The following CYP3A4 variants were observed in gnomAD, a reference collection of about 807,000 sequenced individuals.
CYP3A4 encodes cytochrome P450 family 3 subfamily A member 4.
Under a neutral mutation model 54.9 loss-of-function variants are expected in CYP3A4, and 41 were observed. That is an observed-to-expected ratio of 0.75 (90% CI 0.58 to 0.97). The LOEUF (loss-of-function observed/expected upper bound fraction) is 0.97. Among genes scored for constraint, CYP3A4 ranks in the 50% least tolerant of loss-of-function variants. CYP3A4 has a pLI of 0.00. For missense variants in CYP3A4, 510 were observed against 597.3 expected (o/e 0.85, Z 1.52); for synonymous variants, 179 against 205.2 (o/e 0.87, Z 1.09).
chr7:99,772,836 A>G lies in CYP3A4; in HGVS notation c.219-147T>C, dbSNP rs563044269. The stretch of plus-strand genomic sequence containing the variant: ...AATCTTAGGTTCTAGTTCATTAGGT[A>G]TGACACACAGCAAGAGTCTGACACA... On this transcript the variant is annotated intron_variant, in intron 3 of 12. Transcript: ENST00000651514. 8.2e-5 allele frequency: 66 copies of G among 806,810 alleles called. No individual in the cohort carries two copies. In the South Asian group the frequency reaches 1.2e-3, roughly 15 times the overall value. The allele number at this position is 806,810 out of a possible 1,614,324, so 50.0% of individuals were successfully genotyped here.
chr7:99,771,056 A>G (rs1034316555), intron 4 of CYP3A4, among the ~76,000 whole-genome samples: 1 of 152,348 alleles, frequency 6.6e-6, no homozygotes, highest in African/African-American at 2.4e-5. Context: ...CTTCCCTCCT[A>G]AGATTAGGAA....
intron 12 of CYP3A4, 79 bp downstream of exon 12, chr7:99,760,740 A>G (rs895122311): frequency 6.6e-7 from 1 of 1,524,744 alleles, no homozygotes; most frequent in African/African-American, 1.4e-5. Context: ...TTAAACAAGC[A>G]TATTCTTTTT....
At chr7:99,783,251 C>T (rs1165145520) in intron 1 of CYP3A4, among the ~76,000 whole-genome samples, 1 of 152,170 alleles carries the variant, frequency 6.6e-6, no homozygotes, top group South Asian at 2.1e-4. Flanking sequence ...TGGGGAGTGA[C>T]TCTTCTCTCT....
At chr7:99,779,971 A>C (rs1815873700) in intron 2 of CYP3A4, 21 bp downstream of exon 2, 2 of 1,598,008 alleles carry the variant, frequency 1.3e-6, no homozygotes, top group East Asian at 4.5e-5. Context: ...GAAGCAAAAG[A>C]GTGAGCTCAA....
At chr7:99,776,857 TA>T (rs1161041404) in intron 3 of CYP3A4, among the ~76,000 whole-genome samples, 6 of 151,854 alleles carry the variant, frequency 4.0e-5, no homozygotes, top group African/African-American at 1.5e-4. Context: ...AAACTAAAAA[TA>T]AAAAATAAAA....
chr7:99,772,074 T>C (rs1450085647), intron 4 of CYP3A4, among the ~76,000 whole-genome samples: 2 of 152,174 alleles, frequency 1.3e-5, no homozygotes, highest in Admixed American at 1.3e-4. Context: ...AAAGGAAATA[T>C]TAATACATTG....
chr7:99,772,775 G>T, intron 3 of CYP3A4, 86 bp from the exon 4 acceptor site: 3 of 1,346,054 alleles, frequency 2.2e-6, no homozygotes, highest in South Asian at 1.2e-5. Flanking sequence ...CTTTGATCCT[G>T]ACTTTACATA....
chr7:99,780,230 T>A (rs1815885253), intron 1 of CYP3A4, 145 bp from the exon 2 acceptor site: 5 of 773,534 alleles, frequency 6.5e-6, no homozygotes, highest in Non-Finnish European at 8.3e-6. Context: ...CTGACGGCAA[T>A]GATTATATTT....
chr7:99,775,997 A>G (rs184904757), intron 3 of CYP3A4, among the ~76,000 whole-genome samples: 9 of 152,298 alleles, frequency 5.9e-5, no homozygotes, highest in African/African-American at 1.9e-4. Context: ...AATTTACAAG[A>G]AAAAAAGCAA....
chr7:99,758,641 A>C (rs1001242501), intron 12 of CYP3A4, among the ~76,000 whole-genome samples: 3 of 152,228 alleles, frequency 2.0e-5, no homozygotes, highest in African/African-American at 7.2e-5. Context: ...GTATGATGGC[A>C]AACTGTTTTT....
At chr7:99,767,318 C>T in intron 7 of CYP3A4, 60 bp from the exon 8 acceptor site, 1 of 1,461,222 alleles carries the variant, frequency 6.8e-7, no homozygotes, top group Non-Finnish European at 9.2e-7. Context: ...GCAAAATTTA[C>T]CTGGAGCAAT....
rs1363170809 is a variant in CYP3A4, at chr7:99,763,858, A to G, written c.1023T>C (p.Asn341=). Residue 341 remains asparagine, a synonymous_variant, in exon 10 of 13, where the codon AAT becomes AAC. Transcript: ENST00000651514. ...LQEEIDAVLP[N]KAPPTYDTVL... is the part of the protein sequence containing the mutation. Reference sequence around the variant, plus strand: ...TCTCCATGTACCATCCACTCACCTTATTGGGTAAAACTGCATCAATTTCCT... The same window carrying G: ...TCTCCATGTACCATCCACTCACCTTGTTGGGTAAAACTGCATCAATTTCCT... The G allele has an allele frequency of 1.2e-6, 2 of 1,613,850 alleles. No individual in the cohort carries two copies. Among genetic ancestry groups the G allele is most frequent in the Admixed American group, 1.7e-5 (1 of 60,002 alleles).
chr7:99,778,592 T>TCTAGCAG (rs1815833383), intron 2 of CYP3A4, among the ~76,000 whole-genome samples: 1 of 152,204 alleles, frequency 6.6e-6, no homozygotes, highest in African/African-American at 2.4e-5. Flanking sequence ...TTTAGGTAAG[T>TCTAGCAG]ATGAGGCATG....
At chr7:99,761,500 C>T (rs1815331554) in intron 11 of CYP3A4, among the ~76,000 whole-genome samples, 1 of 152,060 alleles carries the variant, frequency 6.6e-6, no homozygotes, top group South Asian at 2.1e-4. Flanking sequence ...TTCTTCTTCT[C>T]TCCATCTCTC....
chr7:99,763,732 A>G, intron 10 of CYP3A4, 123 bp downstream of exon 10: 3 of 1,312,638 alleles, frequency 2.3e-6, no homozygotes, highest in Non-Finnish European at 3.1e-6. Context: ...GAGCCTTCCT[A>G]CATAGAGTCA....
At chr7:99,770,864 A>T (rs1440021074) in intron 4 of CYP3A4, among the ~76,000 whole-genome samples, 1 of 152,218 alleles carries the variant, frequency 6.6e-6, no homozygotes, top group African/African-American at 2.4e-5. Flanking sequence ...TATCAAGCCA[A>T]CATGCTTGAA....
chr7:99,764,380 G>T (rs1461552088), intron 9 of CYP3A4, among the ~76,000 whole-genome samples: 1 of 151,938 alleles, frequency 6.6e-6, no homozygotes, highest in Non-Finnish European at 1.5e-5. Flanking sequence ...GTTAATATGA[G>T]GTAGTACTCT....
chr7:99,766,661 C>G (rs1815484292), intron 8 of CYP3A4: 2 of 596,066 alleles, frequency 3.4e-6, no homozygotes, highest in Admixed American at 3.1e-5. Context: ...TGTGAGATGG[C>G]TCAAATTTAA....
chr7:99,769,064 A>G (rs1029256563), intron 6 of CYP3A4, among the ~76,000 whole-genome samples: 1 of 152,170 alleles, frequency 6.6e-6, no homozygotes, highest in African/African-American at 2.4e-5. Context: ...TTGCCCTGAC[A>G]GCAGAATTAT....
Sources: allele counts gnomAD v4.1 joint callset (sites outside exome capture counted in the v4.1 genomes callset), GRCh38; gene constraint gnomAD v4.1.1; transcripts MANE v1.5; gene names NCBI Gene and HGNC (gene_info 2026-07-23, HGNC 2026-07-21).